The following ADAMTS17 variants were observed in gnomAD, a reference collection of about 807,000 sequenced individuals.
ADAMTS17 encodes the protein A disintegrin and metalloproteinase with thrombospondin motifs 17.
ADAMTS17 carries 113 observed loss-of-function variants against 141.5 expected under a neutral mutation model. That is an observed-to-expected ratio of 0.80 (90% CI 0.69 to 0.93). ADAMTS17 has a LOEUF of 0.93. ADAMTS17 is among the 40% of genes least tolerant of loss of function. The pLI is 0.00. For missense variants in ADAMTS17, 1,659 were observed against 1,517.9 expected (o/e 1.09, Z -1.54); for synonymous variants, 768 against 630.6 (o/e 1.22, Z -3.27).
intron 15 of ADAMTS17, among the ~76,000 whole-genome samples, chr15:100,078,171 A>C (rs1329548459): frequency 3.9e-5 from 6 of 152,152 alleles, no homozygotes; most frequent in Admixed American, 6.5e-5. Context: ...CTGCTTCACA[A>C]ATTGGTCTAC....
intron 18 of ADAMTS17, among the ~76,000 whole-genome samples, chr15:100,042,611 T>C (rs1047608506): frequency 6.6e-6 from 1 of 152,200 alleles, no homozygotes; most frequent in Non-Finnish European, 1.5e-5. Flanking sequence ...TCATCACCAC[T>C]CTTGTGCTTT....
In ADAMTS17 at chr15:100,004,702, C is replaced by A. The variant is rs1310520420; in HGVS notation, c.2592-7113G>T. Among the ~76,000 whole-genome samples the A allele has an allele frequency of 4.0e-5, 6 of 151,126 alleles. 1 individual carries two copies. In the East Asian group the frequency reaches 1.2e-3, roughly 29 times the overall value. On this transcript the variant is annotated intron_variant, in intron 18 of 21. Transcript: ENST00000268070. ...ATGGCGCAATCTCGGCGCACTGCAG[C>A]CTCCACCTCCCGAGTTCAAGGGATT...
intron 18 of ADAMTS17, among the ~76,000 whole-genome samples, chr15:100,023,270 T>C (rs1047169825): frequency 6.6e-6 from 1 of 152,104 alleles, no homozygotes; most frequent in African/African-American, 2.4e-5. Context: ...GGTGTGATCT[T>C]GGCTCACTGC....
chr15:100,171,015 C>T (rs1363793743), intron 8 of ADAMTS17, among the ~76,000 whole-genome samples: 3 of 152,160 alleles, frequency 2.0e-5, no homozygotes, highest in Non-Finnish European at 4.4e-5. Flanking sequence ...GTGCCTGCTG[C>T]CCCCCTTAGG....
intron 7 of ADAMTS17, among the ~76,000 whole-genome samples, chr15:100,205,491 G>A (rs955709957): frequency 2.0e-5 from 3 of 152,148 alleles, no homozygotes; most frequent in East Asian, 3.9e-4. Context: ...GATGATGCTC[G>A]TGTCAGCAGG....
At position 100,189,130 on chromosome 15, in the gene ADAMTS17, G is replaced by T. The variant is rs571194017; in HGVS notation, c.1181+10188C>A. On this transcript the variant is annotated intron_variant, in intron 8 of 21. Transcript: ENST00000268070. ...CTCCAGGGTGATGCAGACGCTGCTG[G>T]TCCAAGACTACACTGTGAAGTGCAA... Among the ~76,000 whole-genome samples, 21 of 152,286 alleles carry T rather than the reference G, an allele frequency of 1.4e-4. No individual in the cohort carries two copies. The South Asian group carries it at 4.4e-3, about 32-fold the overall frequency.
intron 3 of ADAMTS17, among the ~76,000 whole-genome samples, chr15:100,312,614 T>A (rs2045440445): frequency 6.6e-6 from 1 of 152,338 alleles, no homozygotes; most frequent in African/African-American, 2.4e-5. Context: ...GACAATGAAC[T>A]GCAGATACAG....
chr15:99,986,875 C>T (rs1170297718), intron 20 of ADAMTS17, among the ~76,000 whole-genome samples: 1 of 152,134 alleles, frequency 6.6e-6, no homozygotes, highest in Non-Finnish European at 1.5e-5. Flanking sequence ...GCTACTATCC[C>T]GGGTGGGAAG....
At chr15:100,313,110 T>C (rs6598324) in intron 3 of ADAMTS17, among the ~76,000 whole-genome samples, 105,257 of 152,080 alleles carry the variant, frequency 0.69, 37,122 homozygotes, top group African/African-American at 0.82. Context: ...AACCAATAGC[T>C]TCCATGGTTC....
At chr15:100,090,258 G>T (rs1281266472) in intron 15 of ADAMTS17, among the ~76,000 whole-genome samples, 3 of 152,214 alleles carry the variant, frequency 2.0e-5, no homozygotes, top group Non-Finnish European at 4.4e-5. Context: ...AAAGTGATTA[G>T]AATCTTTTTC....
chr15:100,157,385 A>C (rs907514211), intron 8 of ADAMTS17, among the ~76,000 whole-genome samples: 1 of 152,232 alleles, frequency 6.6e-6, no homozygotes, highest in Non-Finnish European at 1.5e-5. Context: ...AAAATGTCTA[A>C]GGCACTTACA....
At chr15:100,199,953 G>T (rs1194973499) in intron 7 of ADAMTS17, among the ~76,000 whole-genome samples, 1 of 152,262 alleles carries the variant, frequency 6.6e-6, no homozygotes, top group African/African-American at 2.4e-5. Flanking sequence ...GTGAGCCGGG[G>T]TCTGTGCTGG....
chr15:99,977,380 ATATATATATATATATATATAATTTTTTTT>A (rs1459477682), intron 20 of ADAMTS17, among the ~76,000 whole-genome samples: 34 of 24,884 alleles, frequency 1.4e-3, no homozygotes, highest in Non-Finnish European at 1.8e-3. Context: ...ATATATATAT[ATATATATATATATATATATAATTTTTTTT>A]TTTTTTTTTT....
intron 7 of ADAMTS17, among the ~76,000 whole-genome samples, chr15:100,225,695 C>T (rs1299808901): frequency 6.7e-6 from 1 of 148,190 alleles, no homozygotes; most frequent in African/African-American, 2.5e-5. Flanking sequence ...GTCACGGTCT[C>T]TGTGCCCATT....
intron 3 of ADAMTS17, among the ~76,000 whole-genome samples, chr15:100,298,186 T>C (rs1418255476): frequency 6.6e-6 from 1 of 151,888 alleles, no homozygotes; most frequent in Admixed American, 6.6e-5. Flanking sequence ...AGCTAGAAGG[T>C]CCTAGAGTCA....
chr15:100,214,741 G>A (rs1264503913), intron 7 of ADAMTS17, among the ~76,000 whole-genome samples: 1 of 152,182 alleles, frequency 6.6e-6, no homozygotes, highest in African/African-American at 2.4e-5. Flanking sequence ...CACGCAGGAG[G>A]CTGAAATCAT....
intron 13 of ADAMTS17, among the ~76,000 whole-genome samples, chr15:100,110,413 C>T (rs1004279270): frequency 2.0e-5 from 3 of 151,388 alleles, no homozygotes; most frequent in Non-Finnish European, 2.9e-5. Flanking sequence ...TACAGGCACC[C>T]GCCACCATGC....
At chr15:100,271,819 C>T (rs775709833) in intron 4 of ADAMTS17, among the ~76,000 whole-genome samples, 150 of 152,160 alleles carry the variant, frequency 9.9e-4, no homozygotes, top group Non-Finnish European at 2.0e-3. Context: ...TCAAATCTCA[C>T]AAAACTTTTC....
At chr15:99,986,970 A>T (rs1235768974) in intron 20 of ADAMTS17, among the ~76,000 whole-genome samples, 2 of 152,210 alleles carry the variant, frequency 1.3e-5, no homozygotes, top group African/African-American at 4.8e-5. Context: ...TCCCTCATAC[A>T]CGACCCTGGT....
Sources: allele counts gnomAD v4.1 joint callset (sites outside exome capture counted in the v4.1 genomes callset), GRCh38; gene constraint gnomAD v4.1.1; transcripts MANE v1.5; gene names NCBI Gene and HGNC (gene_info 2026-07-23, HGNC 2026-07-21).